RCBTB1: variants seen among roughly 807,000 people sequenced by gnomAD.
RCBTB1 encodes the protein RCC1 and BTB domain containing protein 1.
A neutral mutation model predicts 62.4 loss-of-function variants in RCBTB1; 46 were observed. The ratio of observed to expected loss-of-function variants is 0.74; its 90% CI spans 0.58 to 0.94. The LOEUF (loss-of-function observed/expected upper bound fraction) is 0.94, where lower values mean the gene tolerates loss of function less well. Ranked by LOEUF, RCBTB1 falls within the 40% of genes least tolerant of loss-of-function variation. The probability of loss-of-function intolerance (pLI) is 0.00; values close to 1 mark genes in which losing one functional copy is unlikely to be tolerated. For synonymous variants in RCBTB1, 222 were observed against 245.8 expected (o/e 0.90, Z 0.91); for missense variants, 565 against 654.9 (o/e 0.86, Z 1.50).
intron 10 of RCBTB1, among the ~76,000 whole-genome samples, chr13:49,542,932 T>A (rs931322496): frequency 2.6e-5 from 4 of 152,220 alleles, no homozygotes; most frequent in Non-Finnish European, 4.4e-5. Context: ...ATCATATTTT[T>A]AAATTATTTT....
chr13:49,565,997 C>T (rs529642990), intron 4 of RCBTB1, among the ~76,000 whole-genome samples: 2 of 151,060 alleles, frequency 1.3e-5, no homozygotes, highest in South Asian at 4.2e-4. Context: ...GTGCTGTGTC[C>T]ACTCAGGGTT....
At chr13:49,541,131 T>G in intron 11 of RCBTB1, 125 bp from the exon 12 acceptor site, 1 of 724,208 alleles carries the variant, frequency 1.4e-6, no homozygotes, top group Non-Finnish European at 2.1e-6. Context: ...AGATTCTGAA[T>G]TTGAGTAAAT....
chr13:49,564,698 T>C (rs1183384643), intron 4 of RCBTB1, among the ~76,000 whole-genome samples: 1 of 150,408 alleles, frequency 6.6e-6, no homozygotes, highest in Non-Finnish European at 1.5e-5. Flanking sequence ...GAGACCATCC[T>C]GGCTAACACG....
chr13:49,540,194 T>G (rs1960239428), intron 12 of RCBTB1, among the ~76,000 whole-genome samples: 1 of 152,200 alleles, frequency 6.6e-6, no homozygotes, highest in Non-Finnish European at 1.5e-5. Flanking sequence ...ATTTATCAGG[T>G]GCCTAATATG....
At chr13:49,584,315 C>T (rs1056018223) in intron 1 of RCBTB1, among the ~76,000 whole-genome samples, 3 of 152,036 alleles carry the variant, frequency 2.0e-5, no homozygotes, top group African/African-American at 7.2e-5. Flanking sequence ...AACAGACTAG[C>T]GGGTAGAAGA....
At chr13:49,550,976 A>C (rs1961276636) in intron 8 of RCBTB1, among the ~76,000 whole-genome samples, 1 of 152,032 alleles carries the variant, frequency 6.6e-6, no homozygotes, top group Non-Finnish European at 1.5e-5. Context: ...GGTGGTACAC[A>C]CCTGTAATCC....
chr13:49,541,283 G>A (rs1349197780), intron 11 of RCBTB1, among the ~76,000 whole-genome samples: 1 of 152,056 alleles, frequency 6.6e-6, no homozygotes, highest in African/African-American at 2.4e-5. Flanking sequence ...AAATGCATTA[G>A]CAACTTATAC....
At chr13:49,544,612 G>T in intron 10 of RCBTB1, 125 bp downstream of exon 10, 1 of 724,876 alleles carries the variant, frequency 1.4e-6, no homozygotes, top group Non-Finnish European at 2.2e-6. Flanking sequence ...GATACTATCT[G>T]CAAAAATATT....
chr13:49,553,395 TG>T (rs1961550168), intron 6 of RCBTB1, among the ~76,000 whole-genome samples: 1 of 152,154 alleles, frequency 6.6e-6, no homozygotes, highest in Non-Finnish European at 1.5e-5. Context: ...AGGTGAGCTC[TG>T]ATGAGGCTCT....
intron 1 of RCBTB1, among the ~76,000 whole-genome samples, chr13:49,584,317 G>A (rs1485884542): frequency 1.3e-5 from 2 of 152,056 alleles, no homozygotes; most frequent in East Asian, 1.9e-4. Context: ...CAGACTAGCG[G>A]GTAGAAGAAA....
At chr13:49,573,855 C>T (rs1199242231) in intron 2 of RCBTB1, among the ~76,000 whole-genome samples, 1 of 149,110 alleles carries the variant, frequency 6.7e-6, no homozygotes, top group African/African-American at 2.5e-5. Context: ...ACCATCTTGG[C>T]TCACTGCAAA....
chr13:49,564,583 CAAAA>C (rs10710755), intron 4 of RCBTB1, among the ~76,000 whole-genome samples: 1,027 of 39,194 alleles, frequency 0.026, 14 homozygotes, highest in African/African-American at 0.072. Context: ...GACTCCTTCT[CAAAA>C]AAAAAAAAAA....
Position 49,532,633 on chromosome 13 carries a change from T to C in RCBTB1, c.*1489A>G, listed in dbSNP as rs573592323. On this transcript the variant is annotated 3_prime_UTR_variant, in exon 13 of 13. Coordinates refer to ENST00000378302, the MANE Select transcript of RCBTB1 (RefSeq NM_018191.4). ...CCTAGGCTTGTATCTATTTCAGCTATCAGTGAATTCCTATCTTTAGGGCCT... is the reference window on the plus strand; with the variant it reads ...CCTAGGCTTGTATCTATTTCAGCTACCAGTGAATTCCTATCTTTAGGGCCT... 3.3e-5 allele frequency: 5 copies of C among 152,354 alleles called. No individual in the cohort carries two copies. In the South Asian group the frequency reaches 8.3e-4, roughly 25 times the overall value. 9.4% of individuals were successfully genotyped at this position (152,354 alleles called of 1,614,324 possible).
At chr13:49,543,782 C>G (rs1449833488) in intron 10 of RCBTB1, among the ~76,000 whole-genome samples, 1 of 152,152 alleles carries the variant, frequency 6.6e-6, no homozygotes, top group Non-Finnish European at 1.5e-5. Context: ...ATCTACTGGG[C>G]TCAAGCAATC....
intron 3 of RCBTB1, 95 bp from the exon 4 acceptor site, chr13:49,566,863 G>C (rs1963056711): frequency 8.4e-7 from 1 of 1,196,374 alleles, no homozygotes; most frequent in Non-Finnish European, 1.2e-6. Context: ...TTCAACTACA[G>C]AGCTCAGGAG....
intron 6 of RCBTB1, among the ~76,000 whole-genome samples, chr13:49,552,922 G>A (rs570950577): frequency 2.6e-5 from 4 of 152,130 alleles, no homozygotes; most frequent in Non-Finnish European, 4.4e-5. Flanking sequence ...GGTAGCTCAC[G>A]CCTGTAATCC....
chr13:49,565,343 G>A (rs1962849450), intron 4 of RCBTB1, among the ~76,000 whole-genome samples: 3 of 152,192 alleles, frequency 2.0e-5, no homozygotes, highest in Admixed American at 1.3e-4. Flanking sequence ...CTGGAGTGCA[G>A]TGGTGTGATC....
At chr13:49,559,612 T>C (rs1043786490) in intron 5 of RCBTB1, among the ~76,000 whole-genome samples, 6 of 135,538 alleles carry the variant, frequency 4.4e-5, no homozygotes, top group Non-Finnish European at 6.0e-5. Context: ...GCAGAGATCG[T>C]GCCACTGTAC....
chr13:49,556,275 C>A (rs1594293537), intron 5 of RCBTB1, among the ~76,000 whole-genome samples: 1 of 151,172 alleles, frequency 6.6e-6, no homozygotes, highest in South Asian at 2.1e-4. Context: ...CAGCTCACTG[C>A]CAGCCCCGCC....
Sources: gnomAD v4.1 joint callset for allele counts (sites outside exome capture counted in the v4.1 genomes callset) on GRCh38, gnomAD v4.1.1 for gene constraint, MANE v1.5 for transcripts, NCBI Gene and HGNC (gene_info 2026-07-23, HGNC 2026-07-21) for gene names.